THSD7B: variants seen among roughly 807,000 people sequenced by gnomAD.
The protein encoded by THSD7B is thrombospondin type-1 domain-containing protein 7B.
In THSD7B, 138 loss-of-function variants were observed where a neutral mutation model predicts 213.6. The ratio of observed to expected loss-of-function variants is 0.65; its 90% CI spans 0.56 to 0.74. THSD7B has a LOEUF of 0.74. Ranked by LOEUF, THSD7B falls within the 30% of genes least tolerant of loss-of-function variation. The pLI is 0.00. For synonymous variants in THSD7B, 742 were observed against 687.0 expected (o/e 1.08, Z -1.25); for missense variants, 1,931 against 1,991.5 (o/e 0.97, Z 0.58).
rs753986556 is a variant in THSD7B, at chr2:137,170,741, G to A, written c.1526G>A (p.Gly509Glu). 1 of 1,609,014 alleles carries A rather than the reference G, an allele frequency of 6.2e-7. No individual in the cohort carries two copies. The highest frequency in any genetic ancestry group is 8.5e-7 in the Non-Finnish European group (1 of 1,177,056). ...ENCHDPQGKK[G>E]FRTRQRHVLM... Reference sequence around the variant, plus strand: ...AAAATTCTTTTCTCTCTCTTTTTAGGATTTAGAACGAGGCAGCGCCATGTC... The same window carrying A: ...AAAATTCTTTTCTCTCTCTTTTTAGAATTTAGAACGAGGCAGCGCCATGTC... Residue 509 changes from glycine to glutamate, a missense_variant and splice_region_variant, in exon 7 of 28, where the codon GGA becomes GAA. Physicochemically the swap from Gly to Glu is moderately conservative, Grantham distance 98. Coordinates refer to ENST00000409968, the MANE Select transcript of THSD7B (RefSeq NM_001316349.2).
chr2:137,071,691 T>C (rs1687492241), intron 3 of THSD7B, among the ~76,000 whole-genome samples: 1 of 152,130 alleles, frequency 6.6e-6, no homozygotes, highest in Non-Finnish European at 1.5e-5. Context: ...TCCTGAATGA[T>C]ATTGCCTAGG....
At chr2:137,379,483 G>A (rs1278339760) in intron 12 of THSD7B, among the ~76,000 whole-genome samples, 4 of 152,190 alleles carry the variant, frequency 2.6e-5, no homozygotes, top group Non-Finnish European at 5.9e-5. Flanking sequence ...CATTGGTTTT[G>A]AAGAATGGGG....
chr2:136,994,566 G>GA (rs1343540630), intron 2 of THSD7B, among the ~76,000 whole-genome samples: 3 of 152,276 alleles, frequency 2.0e-5, no homozygotes, highest in African/African-American at 4.8e-5. Flanking sequence ...CTCTGTCTTA[G>GA]AAAATCTAAG....
intron 25 of THSD7B, among the ~76,000 whole-genome samples, chr2:137,661,328 C>T (rs796874631): frequency 1.3e-5 from 2 of 152,150 alleles, no homozygotes; most frequent in African/African-American, 4.8e-5. Flanking sequence ...TGTCACAATG[C>T]CAACTAGAGA....
At position 137,563,264 on chromosome 2, in the gene THSD7B, C is replaced by A; in HGVS notation, c.3182C>A (p.Ser1061Tyr). 1.2e-6 allele frequency: 2 copies of A among 1,613,358 alleles called. No individual in the cohort carries two copies. Among genetic ancestry groups the A allele is most frequent in the Non-Finnish European group, 1.7e-6 (2 of 1,179,598 alleles). Residue 1061 changes from serine to tyrosine, a missense_variant, in exon 16 of 28, where the codon TCC (serine) becomes TAC (tyrosine). Ser to Tyr is a moderately radical substitution (Grantham distance 144, BLOSUM62 -2). Transcript: ENST00000409968. ...VPCYSECNQY[S>Y]WVVEHWSSCK... is the part of the protein sequence containing the mutation. ...TGTTACAGTGAGTGCAATCAGTATT[C>A]CTGGGTTGTAGAACACTGGTCTTCA...
chr2:136,832,780 T>C (rs1682776987), intron 1 of THSD7B, among the ~76,000 whole-genome samples: 1 of 152,214 alleles, frequency 6.6e-6, no homozygotes, highest in Non-Finnish European at 1.5e-5. Context: ...ATCCCCATTT[T>C]ATAGTTAAGA....
intron 12 of THSD7B, among the ~76,000 whole-genome samples, chr2:137,382,408 A>G (rs958843580): frequency 1.3e-5 from 2 of 152,266 alleles, no homozygotes; most frequent in South Asian, 4.1e-4. Flanking sequence ...CCATTTGAGC[A>G]GGATGTGCAT....
At chr2:137,018,978 A>C (rs995596230) in intron 2 of THSD7B, among the ~76,000 whole-genome samples, 1 of 152,158 alleles carries the variant, frequency 6.6e-6, no homozygotes, top group African/African-American at 2.4e-5. Flanking sequence ...CAGTTGGCTA[A>C]AGATTTTAGT....
intron 15 of THSD7B, among the ~76,000 whole-genome samples, chr2:137,481,757 C>T (rs1354311306): frequency 1.3e-5 from 2 of 152,150 alleles, no homozygotes; most frequent in Non-Finnish European, 2.9e-5. Context: ...AGATATTAAA[C>T]ATTGGAGAAT....
intron 1 of THSD7B, among the ~76,000 whole-genome samples, chr2:136,800,482 C>T (rs1157090845): frequency 6.6e-6 from 1 of 151,954 alleles, no homozygotes; most frequent in East Asian, 1.9e-4. Context: ...GTAGCATAGT[C>T]CAGCTTGTGG....
At chr2:137,069,202 A>G (rs1573801252) in intron 3 of THSD7B, among the ~76,000 whole-genome samples, 1 of 152,028 alleles carries the variant, frequency 6.6e-6, no homozygotes, top group Non-Finnish European at 1.5e-5. Context: ...TAGCTGTCAT[A>G]TAGTCTGTTC....
intron 12 of THSD7B, among the ~76,000 whole-genome samples, chr2:137,277,887 A>G (rs554478736): frequency 1.4e-4 from 22 of 152,106 alleles, no homozygotes; most frequent in Admixed American, 2.6e-4. Flanking sequence ...AATAAAGAGC[A>G]GGAAAGTTCC....
intron 1 of THSD7B, among the ~76,000 whole-genome samples, chr2:136,796,133 GA>G (rs1322049139): frequency 6.6e-6 from 1 of 150,700 alleles, no homozygotes; most frequent in Non-Finnish European, 1.5e-5. Flanking sequence ...TATGAATTTT[GA>G]AATGTATCCC....
rs182216915 is a variant in THSD7B, at chr2:137,081,792, A to G, written c.951-13081A>G. 4.6e-5 allele frequency among the ~76,000 whole-genome samples: 7 copies of G among 152,108 alleles called. No individual in the cohort carries two copies. The East Asian group carries it at 5.8e-4, about 13-fold the overall frequency. ...GGTAGTCTGTTTTATTTCAATGTCT[A>G]TTTATTTCATGAATAAGGTTTCTAT... On this transcript the variant is annotated intron_variant, in intron 3 of 27. Coordinates refer to ENST00000409968, the MANE Select transcript of THSD7B (RefSeq NM_001316349.2).
chr2:137,404,470 T>TACACAC (rs1188350163), intron 12 of THSD7B, among the ~76,000 whole-genome samples: 6 of 62,540 alleles, frequency 9.6e-5, no homozygotes, highest in East Asian at 5.8e-4. Context: ...TATATATATA[T>TACACAC]ATATACACAC....
At chr2:136,957,148 G>A (rs899347799) in intron 2 of THSD7B, among the ~76,000 whole-genome samples, 1 of 152,150 alleles carries the variant, frequency 6.6e-6, no homozygotes, top group South Asian at 2.1e-4. Context: ...ACTTGGCTTG[G>A]CCAATCAGTG....
chr2:137,667,960 A>G (rs1195063261), intron 27 of THSD7B, 99 bp downstream of exon 27: 1 of 902,278 alleles, frequency 1.1e-6, no homozygotes. Flanking sequence ...TTATAACAGG[A>G]TTCTTGAGTC....
At chr2:137,061,430 T>C (rs1473822970) in intron 3 of THSD7B, among the ~76,000 whole-genome samples, 1 of 151,376 alleles carries the variant, frequency 6.6e-6, no homozygotes. Flanking sequence ...GGACATTCTT[T>C]TTTTTTTGTA....
chr2:136,857,626 AAC>A (rs76207337), intron 1 of THSD7B, among the ~76,000 whole-genome samples: 47,538 of 151,768 alleles, frequency 0.31, 8,061 homozygotes, highest in Non-Finnish European at 0.38. Context: ...CACACACACA[AAC>A]ACACACACAC....
Sources: allele counts gnomAD v4.1 joint callset (sites outside exome capture counted in the v4.1 genomes callset), GRCh38; gene constraint gnomAD v4.1.1; transcripts MANE v1.5; gene names NCBI Gene and HGNC (gene_info 2026-07-23, HGNC 2026-07-21).